FRS2: variants seen among roughly 807,000 people sequenced by gnomAD.
FRS2 encodes fibroblast growth factor receptor substrate 2.
A neutral mutation model predicts 43.9 loss-of-function variants in FRS2; 8 were observed. That is an observed-to-expected ratio of 0.18 (90% confidence interval 0.11 to 0.33). The LOEUF (loss-of-function observed/expected upper bound fraction) is 0.33. FRS2 is among the 10% of genes least tolerant of loss of function. The probability of loss-of-function intolerance (pLI) is 1.00; values close to 1 mark genes in which losing one functional copy is unlikely to be tolerated. For synonymous variants in FRS2, 219 were observed against 220.3 expected (o/e 0.99, Z 0.05); for missense variants, 534 against 627.6 (o/e 0.85, Z 1.59).
chr12:69,500,403 T>C (rs1170975947), intron 1 of FRS2, among the ~76,000 whole-genome samples: 1 of 152,118 alleles, frequency 6.6e-6, no homozygotes, highest in African/African-American at 2.4e-5. Context: ...GGAAGAGGAA[T>C]TGGCAGTGGG....
chr12:69,542,236 C>G (rs1310906520), intron 3 of FRS2, among the ~76,000 whole-genome samples: 2 of 152,164 alleles, frequency 1.3e-5, no homozygotes, highest in Non-Finnish European at 2.9e-5. Context: ...CAGACCCAAT[C>G]TTAAACAGGT....
At chr12:69,554,712 G>T (rs867167560) in intron 3 of FRS2, among the ~76,000 whole-genome samples, 7 of 152,070 alleles carry the variant, frequency 4.6e-5, no homozygotes, top group African/African-American at 1.7e-4. Flanking sequence ...TTAGTGGTTT[G>T]TTGTTGTTTT....
intron 1 of FRS2, among the ~76,000 whole-genome samples, chr12:69,507,432 T>G (rs751395008): frequency 1.3e-5 from 2 of 152,242 alleles, no homozygotes; most frequent in African/African-American, 2.4e-5. Context: ...TTTAATTGTT[T>G]GCAAATTTGT....
At chr12:69,552,177 C>T (rs1309912746) in intron 3 of FRS2, among the ~76,000 whole-genome samples, 1 of 151,628 alleles carries the variant, frequency 6.6e-6, no homozygotes, top group East Asian at 1.9e-4. Context: ...TGGTGCATGC[C>T]TGTAATCCCA....
intron 5 of FRS2, among the ~76,000 whole-genome samples, chr12:69,570,091 C>A (rs497758): frequency 0.6 from 91,926 of 152,046 alleles, 29,356 homozygotes; most frequent in African/African-American, 0.82. Flanking sequence ...TGTTGCATTC[C>A]TTTGTCAATT....
chr12:69,536,177 T>G, intron 3 of FRS2, among the ~76,000 whole-genome samples: 1 of 134,312 alleles, frequency 7.4e-6, no homozygotes, highest in Non-Finnish European at 1.5e-5. Flanking sequence ...CAGGCTGGAG[T>G]GTAGTGGCAT....
At chr12:69,570,939 C>T (rs572402214) in intron 6 of FRS2, among the ~76,000 whole-genome samples, 7 of 152,270 alleles carry the variant, frequency 4.6e-5, no homozygotes, top group Admixed American at 3.3e-4. Context: ...TAGGGACTTT[C>T]CAAGGGGCCT....
chr12:69,536,109 T>C (rs1593008416), intron 3 of FRS2, among the ~76,000 whole-genome samples: 1 of 35,742 alleles, frequency 2.8e-5, no homozygotes, highest in African/African-American at 1.5e-4. Flanking sequence ...TTCTTTTTTT[T>C]TTTTTTTTTT....
chr12:69,523,441 C>T (rs192634268), intron 1 of FRS2, among the ~76,000 whole-genome samples: 99 of 152,286 alleles, frequency 6.5e-4, no homozygotes, highest in African/African-American at 2.4e-3. Context: ...GATTTTTCTC[C>T]ACTCCTTTAT....
rs182417635 is a variant in FRS2, at chr12:69,564,660, C to G, written c.-27+2386C>G. Reference sequence around the variant, plus strand: ...AAATTTATTCTTTTCTTCTTCATTCCTACCATTGCTGCTCTTGTTTTAGGT... The same window carrying G: ...AAATTTATTCTTTTCTTCTTCATTCGTACCATTGCTGCTCTTGTTTTAGGT... On this transcript the variant is annotated intron_variant, in intron 4 of 8. Coordinates refer to ENST00000549921, the MANE Select transcript of FRS2 (RefSeq NM_001278356.2). 2.6e-5 allele frequency among the ~76,000 whole-genome samples: 4 copies of G among 152,194 alleles called. No individual in the cohort carries two copies. The East Asian group carries it at 7.7e-4, about 29-fold the overall frequency.
rs1026964660 is a variant in FRS2, at chr12:69,572,130, C to T, written c.425C>T (p.Ala142Val). The stretch of plus-strand genomic sequence containing the variant: ...AACAAAAACTCAGCTCCAGGATTTG[C>T]TGCTCAGAACTTACCTAATGGATAT... The part of the protein sequence containing the change: ...TPRTPTTPGF[A>V]AQNLPNGYPR... The change falls in exon 8 of 9, where the codon GCT becomes GTT. Residue 142 changes from alanine (A) to valine (V), a missense_variant. Ala to Val is a moderately conservative substitution (Grantham distance 64). This residue lies in a region of FRS2 where 446 missense variants were observed against 494.2 expected (regional missense o/e 0.90). Transcript: ENST00000549921. 14 of 1,612,400 alleles carry T rather than the reference C, an allele frequency of 8.7e-6. No individual in the cohort carries two copies. The highest frequency in any genetic ancestry group is 1.2e-5 in the Non-Finnish European group (14 of 1,179,132).
Position 69,574,797 on chromosome 12 carries a change from A to G in FRS2, c.1369A>G (p.Thr457Ala), listed in dbSNP as rs1469803897. ...CAACCCTCAGACTCCAAAAACGCCTACAACTCCCCTTCCACAAACCCCTAC... is the reference window on the plus strand; with the variant it reads ...CAACCCTCAGACTCCAAAAACGCCTGCAACTCCCCTTCCACAAACCCCTAC... ...SDNPQTPKTP[T>A]TPLPQTPTRR... is the part of the protein sequence containing the mutation. Residue 457 changes from threonine (T) to alanine (A), a missense_variant, in exon 9 of 9, where the codon ACA becomes GCA. Thr to Ala is a moderately conservative substitution (Grantham distance 58, BLOSUM62 0). Around this residue, in one of 3 missense-constraint regions of FRS2, gnomAD observed 446 missense variants for 494.2 expected, o/e 0.90. Coordinates refer to ENST00000549921, the MANE Select transcript of FRS2 (RefSeq NM_001278356.2). The G allele has an allele frequency of 2.5e-6, 4 of 1,614,150 alleles. No homozygotes were observed. Among genetic ancestry groups the G allele is most frequent in the Non-Finnish European group, 3.4e-6 (4 of 1,180,030 alleles).
intron 1 of FRS2, among the ~76,000 whole-genome samples, chr12:69,473,515 A>G (rs1179288989): frequency 6.6e-6 from 1 of 152,204 alleles, no homozygotes; most frequent in Non-Finnish European, 1.5e-5. Flanking sequence ...GATTACCTGG[A>G]ATATACTGTT....
intron 1 of FRS2, among the ~76,000 whole-genome samples, chr12:69,479,003 T>G (rs1203070592): frequency 6.6e-6 from 1 of 152,078 alleles, no homozygotes; most frequent in East Asian, 1.9e-4. Flanking sequence ...TTAAACTCTG[T>G]GTAGCTTTAT....
intron 3 of FRS2, among the ~76,000 whole-genome samples, chr12:69,542,028 A>G (rs931564572): frequency 6.6e-6 from 1 of 152,146 alleles, no homozygotes; most frequent in African/African-American, 2.4e-5. Flanking sequence ...CACACTCGAA[A>G]GATGATTTTA....
At chr12:69,528,094 C>T (rs1876438292) in intron 1 of FRS2, among the ~76,000 whole-genome samples, 1 of 152,168 alleles carries the variant, frequency 6.6e-6, no homozygotes, top group South Asian at 2.1e-4. Flanking sequence ...TTTTCAGGGA[C>T]TGTTAAATGT....
At chr12:69,477,732 ATTTATTTATTTAT>A (rs991495108) in intron 1 of FRS2, among the ~76,000 whole-genome samples, 3 of 147,348 alleles carry the variant, frequency 2.0e-5, no homozygotes, top group Non-Finnish European at 4.5e-5. Flanking sequence ...TTATTTATTT[ATTTATTTATTTAT>A]TTATTTATTT....
chr12:69,523,992 T>A (rs1183615306), intron 1 of FRS2, among the ~76,000 whole-genome samples: 3 of 152,176 alleles, frequency 2.0e-5, no homozygotes, highest in Non-Finnish European at 4.4e-5. Flanking sequence ...TGGACGTGTG[T>A]GGACTGTGGC....
In FRS2 at chr12:69,575,148, A is replaced by G. The variant is rs947346777; in HGVS notation, c.*193A>G. ...CTCCTTAAAGAACACTAATTTCATT[A>G]TATACTACTCGTTGTACAGCAGCAT... On this transcript the variant is annotated 3_prime_UTR_variant, in exon 9 of 9. Coordinates refer to ENST00000549921, the MANE Select transcript of FRS2 (RefSeq NM_001278356.2). The G allele has an allele frequency of 5.4e-6, 3 of 554,094 alleles. No homozygotes were observed. Among genetic ancestry groups the G allele is most frequent in the South Asian group, 2.7e-5 (1 of 37,276 alleles). The allele number at this position is 554,094 out of a possible 1,614,324, so 34.3% of individuals were successfully genotyped here. A position where few individuals can be genotyped will look rare whatever the true frequency, so the allele number is the denominator to read the frequency against.
Sources: gnomAD v4.1 joint callset for allele counts (sites outside exome capture counted in the v4.1 genomes callset) on GRCh38, gnomAD v4.1.1 for gene constraint, gnomAD v4.1.1 regional missense constraint, MANE v1.5 for transcripts, NCBI Gene and HGNC (gene_info 2026-07-23, HGNC 2026-07-21) for gene names.